The following TTC34 variants were observed in gnomAD, a reference collection of about 807,000 sequenced individuals.
TTC34 encodes tetratricopeptide repeat domain 34.
TTC34 carries 44 observed loss-of-function variants against 40.7 expected under a neutral mutation model. The ratio of observed to expected loss-of-function variants is 1.08; its 90% CI spans 0.85 to 1.39. The LOEUF (loss-of-function observed/expected upper bound fraction) is 1.39. Ranked by LOEUF, TTC34 falls within the 40% of genes most tolerant of loss-of-function variation. The pLI is 0.00. For missense variants in TTC34, 884 were observed against 838.0 expected (o/e 1.05, Z -0.68); for synonymous variants, 422 against 398.6 (o/e 1.06, Z -0.70).
At chr1:2,756,909 A>C (rs1209087673) in intron 6 of TTC34, among the ~76,000 whole-genome samples, 20 of 65,410 alleles carry the variant, frequency 3.1e-4, no homozygotes, top group South Asian at 9.4e-4. Flanking sequence ...ACCCACACCC[A>C]CAGTTGAGCA....
In TTC34 at chr1:2,644,127, C is replaced by CA. The variant is rs569444271; in HGVS notation, c.2712+136dup. 4.7e-4 allele frequency: 438 copies of CA among 930,056 alleles called. 2 individuals are homozygous for CA. The highest frequency in any genetic ancestry group is 4.2e-3 in the African/African-American group (252 of 60,488). The allele number at this position is 930,056 out of a possible 1,614,324, so 57.6% of individuals were successfully genotyped here. A position where few individuals can be genotyped will look rare whatever the true frequency, so the allele number is the denominator to read the frequency against. Reference sequence around the variant, plus strand: ...TCCTGGGCCAGAAGTGGGTGCCTCCCACCCCACCCCAAACCTAACTGAAAT... The same window carrying CA: ...TCCTGGGCCAGAAGTGGGTGCCTCCCAACCCCACCCCAAACCTAACTGAAAT... On this transcript the variant is annotated intron_variant, in intron 8 of 8. Transcript: ENST00000401095.
rs771831061 is a variant in TTC34 at position 2,783,603 on chromosome 1, C to A, written c.2226+6G>T. ...GCCCAGGCCCAGGTCAGGAGTGGGG[C>A]GGCACCTGCAGCTGGTCTAGGGCCA... On this transcript the variant is annotated splice_donor_region_variant and intron_variant, in intron 6 of 8. Transcript: ENST00000401095. 1.4e-6 allele frequency: 2 copies of A among 1,408,342 alleles called. No individual in the cohort carries two copies. Among genetic ancestry groups the A allele is most frequent in the Non-Finnish European group, 9.4e-7 (1 of 1,064,184 alleles). 87.2% of individuals were successfully genotyped at this position (1,408,342 alleles called of 1,614,324 possible). A position where few individuals can be genotyped will look rare whatever the true frequency, so the allele number is the denominator to read the frequency against.
intron 6 of TTC34, among the ~76,000 whole-genome samples, chr1:2,749,604 C>G (rs1569686597): frequency 3.7e-5 from 4 of 109,118 alleles, no homozygotes; most frequent in African/African-American, 1.4e-4. Flanking sequence ...GCACCCACAC[C>G]CCCAGGTGTG....
At chr1:2,773,461 G>C (rs1344417189) in intron 6 of TTC34, 115 of 3,956 alleles carry the variant, frequency 0.029, no homozygotes, top group Admixed American at 0.038. Flanking sequence ...CCCACACACC[G>C]AGGTGAGCAT....
At chr1:2,767,791 G>A (rs183694900) in intron 6 of TTC34, among the ~76,000 whole-genome samples, 20 of 149,204 alleles carry the variant, frequency 1.3e-4, no homozygotes, top group African/African-American at 4.4e-4. Flanking sequence ...CTGACAGCCT[G>A]GGGCAGCACC....
At chr1:2,779,072 A>T (rs1157488795) in intron 6 of TTC34, among the ~76,000 whole-genome samples, 1 of 152,288 alleles carries the variant, frequency 6.6e-6, no homozygotes, top group East Asian at 1.9e-4. Context: ...CTTGAGGTTC[A>T]TCCATGTTGT....
intron 6 of TTC34, among the ~76,000 whole-genome samples, chr1:2,700,254 C>T (rs975480011): frequency 1.1e-5 from 1 of 94,828 alleles, no homozygotes; most frequent in Non-Finnish European, 2.5e-5. Flanking sequence ...CACCCACACG[C>T]CCAGGCGAGG....
chr1:2,677,555 GA>G (rs1639953389), intron 6 of TTC34, among the ~76,000 whole-genome samples: 1 of 111,770 alleles, frequency 8.9e-6, no homozygotes, highest in Non-Finnish European at 2.0e-5. Context: ...TGACAGCCTG[GA>G]GCAGCACCCA....
At chr1:2,749,025 T>G (rs1641233539) in intron 6 of TTC34, among the ~76,000 whole-genome samples, 309 of 147,678 alleles carry the variant, frequency 2.1e-3, no homozygotes, top group African/African-American at 7.8e-3. Context: ...TCTGACAGCC[T>G]GGAACAGCAC....
chr1:2,779,050 G>A (rs1267617711), intron 6 of TTC34, among the ~76,000 whole-genome samples: 1 of 152,142 alleles, frequency 6.6e-6, no homozygotes, highest in Non-Finnish European at 1.5e-5. Context: ...TTATTTTGCT[G>A]AGCACAATGT....
At chr1:2,778,240 T>C (rs1038476600) in intron 6 of TTC34, among the ~76,000 whole-genome samples, 38 of 152,346 alleles carry the variant, frequency 2.5e-4, no homozygotes, top group African/African-American at 8.9e-4. Flanking sequence ...TCAGAAGCCC[T>C]GGCAGGCACA....
At position 2,645,334 on chromosome 1, in the gene TTC34, G is replaced by T; in HGVS notation, c.2456C>A (p.Pro819Gln). 1 of 1,520,574 alleles carries T rather than the reference G, an allele frequency of 6.6e-7. No individual in the cohort carries two copies. 94.2% of individuals were successfully genotyped at this position (1,520,574 alleles called of 1,614,324 possible). ...GTCTGCCAGGAGGAGGTGCCAGTGC[G>T]GTTGCCCTGAGTCGATTTTGATCAG... is the stretch of plus-strand genomic sequence containing the variant. Residue 819 changes from proline (P) to glutamine (Q), a missense_variant, in exon 7 of 9, where the codon CCG becomes CAG. Pro to Gln is a moderately conservative substitution (Grantham distance 76, BLOSUM62 -1). Coordinates refer to ENST00000401095, the Ensembl canonical transcript of TTC34. This position sits in a 1 kb window ranked among gnomAD's most constrained non-coding sequence, Gnocchi z 4.7.
intron 2 of TTC34, among the ~76,000 whole-genome samples, chr1:2,799,559 G>T (rs1012204308): frequency 6.6e-6 from 1 of 151,922 alleles, no homozygotes; most frequent in Non-Finnish European, 1.5e-5. Flanking sequence ...AAAAAATGCA[G>T]CTCAGAGTAC....
chr1:2,675,437 C>CT (rs1557600010), intron 6 of TTC34, among the ~76,000 whole-genome samples: 2 of 117,948 alleles, frequency 1.7e-5, no homozygotes, highest in African/African-American at 5.9e-5. Flanking sequence ...GAACAGCACC[C>CT]ACACCCACAG....
At chr1:2,768,961 A>G (rs1641906531) in intron 6 of TTC34, among the ~76,000 whole-genome samples, 1 of 31,044 alleles carries the variant, frequency 3.2e-5, no homozygotes, top group Admixed American at 3.6e-4. Context: ...AACATCTGAT[A>G]GCCTGGAACA....
chr1:2,769,821 A>C (rs1159523938), intron 6 of TTC34, among the ~76,000 whole-genome samples: 1 of 103,702 alleles, frequency 9.6e-6, no homozygotes. Flanking sequence ...AGCCTGGAGC[A>C]GGCGCCCACA....
intron 6 of TTC34, among the ~76,000 whole-genome samples, chr1:2,681,679 T>C (rs1271568681): frequency 0.027 from 905 of 33,908 alleles, 1 homozygote; most frequent in African/African-American, 0.029. Flanking sequence ...AGGTGAGCAT[T>C]TGACAGCCTG....
chr1:2,775,486 C>A (rs1343834654), intron 6 of TTC34: 1 of 147,706 alleles, frequency 6.8e-6, no homozygotes, highest in Non-Finnish European at 1.5e-5. Flanking sequence ...AGGTGTGCAT[C>A]TGACAGCCTG....
intron 6 of TTC34, among the ~76,000 whole-genome samples, chr1:2,652,057 T>A (rs1639154104): frequency 1.8e-5 from 2 of 110,048 alleles, no homozygotes; most frequent in African/African-American, 3.5e-5. Flanking sequence ...CAGGTGAGCA[T>A]CTGACAGCCT....
Sources: gnomAD v4.1 joint callset for allele counts (sites outside exome capture counted in the v4.1 genomes callset) on GRCh38, gnomAD v4.1.1 for gene constraint, Gnocchi (gnomAD v3.1) non-coding constraint, MANE v1.5 for transcripts, NCBI Gene and HGNC (gene_info 2026-07-23, HGNC 2026-07-21) for gene names.